KIAA0232: variants seen among roughly 807,000 people sequenced by gnomAD.
The protein encoded by KIAA0232 is KIAA0232, also known as uncharacterized protein KIAA0232.
KIAA0232 carries 27 observed loss-of-function variants against 122.0 expected under a neutral mutation model. That is an observed-to-expected ratio of 0.22 (90% CI 0.16 to 0.31). The LOEUF is 0.31. Among genes scored for constraint, KIAA0232 ranks in the 10% least tolerant of loss-of-function variants. KIAA0232 has a pLI of 1.00. For missense variants in KIAA0232, 1,551 were observed against 1,634.2 expected (o/e 0.95, Z 0.88); for synonymous variants, 613 against 587.6 (o/e 1.04, Z -0.63).
intron 9 of KIAA0232, among the ~76,000 whole-genome samples, chr4:6,880,395 T>C (rs1722011511): frequency 6.6e-6 from 1 of 152,268 alleles, no homozygotes; most frequent in Admixed American, 6.5e-5. Context: ...CCATCGGTAC[T>C]GTGTCACTGC....
chr4:6,846,136 C>T (rs1719953513), intron 4 of KIAA0232, among the ~76,000 whole-genome samples: 1 of 151,036 alleles, frequency 6.6e-6, no homozygotes, highest in African/African-American at 2.4e-5. Flanking sequence ...TTTTTCATAA[C>T]AACGATTTTT....
chr4:6,858,968 C>G (rs1720704712), intron 6 of KIAA0232, among the ~76,000 whole-genome samples: 1 of 152,138 alleles, frequency 6.6e-6, no homozygotes, highest in East Asian at 1.9e-4. Flanking sequence ...CATGGTGGTA[C>G]ATGCCTGTAA....
chr4:6,807,037 TC>T (rs1717651616), intron 2 of KIAA0232, among the ~76,000 whole-genome samples: 1 of 41,286 alleles, frequency 2.4e-5, no homozygotes, highest in East Asian at 2.7e-4. Context: ...TGTCTGTCTA[TC>T]TATCTATCTA....
chr4:6,879,395 A>G (rs1183205817), intron 9 of KIAA0232, among the ~76,000 whole-genome samples: 3 of 152,220 alleles, frequency 2.0e-5, no homozygotes, highest in Non-Finnish European at 4.4e-5. Flanking sequence ...TCTAGGACCC[A>G]TACTGCTAAC....
intron 2 of KIAA0232, among the ~76,000 whole-genome samples, chr4:6,821,173 A>G (rs540198710): frequency 7.4e-4 from 112 of 152,312 alleles, no homozygotes; most frequent in Non-Finnish European, 1.5e-3. Context: ...ATATCAGAGA[A>G]AGCATTTGTT....
At chr4:6,792,002 C>T (rs988542869) in intron 1 of KIAA0232, among the ~76,000 whole-genome samples, 3 of 152,148 alleles carry the variant, frequency 2.0e-5, no homozygotes, top group African/African-American at 7.2e-5. Flanking sequence ...CATAATCTCT[C>T]CTCTTTTGAC....
intron 3 of KIAA0232, among the ~76,000 whole-genome samples, chr4:6,838,780 A>G (rs921814470): frequency 6.8e-6 from 1 of 148,058 alleles, no homozygotes; most frequent in Non-Finnish European, 1.5e-5. Flanking sequence ...ATTGTTATAA[A>G]GGTTGCTTGA....
chr4:6,846,387 G>A (rs181775471), intron 4 of KIAA0232, among the ~76,000 whole-genome samples: 11 of 152,142 alleles, frequency 7.2e-5, no homozygotes, highest in Admixed American at 6.5e-4. Context: ...GGTGAACAGC[G>A]AGCAAGCTTT....
rs554172993 is a variant in KIAA0232, at chr4:6,811,714, G to C, written c.-270+7108G>C. ...TCCGCCTCGGCCACCCAAAGTGCCG[G>C]GATTATTGGTGTGAGCCACTGTGCC... On this transcript the variant is annotated intron_variant, in intron 2 of 9. Coordinates refer to ENST00000307659, the MANE Select transcript of KIAA0232 (RefSeq NM_014743.3). Among the ~76,000 whole-genome samples the C allele has an allele frequency of 1.9e-3, 285 of 151,438 alleles. 1 individual carries two copies. The highest frequency in any genetic ancestry group is 1.4e-3 in the East Asian group (7 of 5,156).
At chr4:6,795,773 T>G (rs1410828944) in intron 1 of KIAA0232, among the ~76,000 whole-genome samples, 1 of 152,180 alleles carries the variant, frequency 6.6e-6, no homozygotes, top group Non-Finnish European at 1.5e-5. Context: ...ACTTTTTTTG[T>G]AGAGACTGGG....
chr4:6,840,163 T>G (rs909196246), intron 3 of KIAA0232, among the ~76,000 whole-genome samples: 2 of 152,160 alleles, frequency 1.3e-5, no homozygotes, highest in Admixed American at 1.3e-4. Flanking sequence ...CCTACCTCTT[T>G]TTGTCAGCTT....
Position 6,883,787 on chromosome 4 carries a change from T to C in KIAA0232, c.*2821T>C, listed in dbSNP as rs1415354660. 6.6e-6 allele frequency: 1 copy of C among 152,260 alleles called. No homozygotes were observed. The highest frequency in any genetic ancestry group is 1.5e-5 in the Non-Finnish European group (1 of 68,048). 9.4% of individuals were successfully genotyped at this position (152,260 alleles called of 1,614,324 possible). ...AAGTATAAGGGAAAAGGAAAACTCA[T>C]ATGTCCTTCTGTCACTCTGAGACAT... On this transcript the variant is annotated 3_prime_UTR_variant, in exon 10 of 10. Transcript: ENST00000307659.
intron 3 of KIAA0232, among the ~76,000 whole-genome samples, chr4:6,827,129 C>T (rs952112313): frequency 1.3e-5 from 2 of 152,206 alleles, no homozygotes; most frequent in Admixed American, 6.5e-5. Context: ...TCCAAAGTAA[C>T]AGCCATGTGT....
chr4:6,844,302 A>G (rs1014810631), intron 4 of KIAA0232, among the ~76,000 whole-genome samples: 2 of 152,060 alleles, frequency 1.3e-5, no homozygotes, highest in Non-Finnish European at 2.9e-5. Flanking sequence ...CATGAAAGGT[A>G]CTGATTTTTT....
intron 1 of KIAA0232, among the ~76,000 whole-genome samples, chr4:6,794,632 A>G (rs1296234088): frequency 6.6e-6 from 1 of 152,180 alleles, no homozygotes; most frequent in African/African-American, 2.4e-5. Context: ...GAAGAGGAAG[A>G]GAGAAAGATG....
intron 2 of KIAA0232, among the ~76,000 whole-genome samples, chr4:6,819,514 C>T (rs570854693): frequency 7.2e-5 from 11 of 152,150 alleles, no homozygotes; most frequent in Admixed American, 6.5e-4. Context: ...AGTTCCACAT[C>T]GCTGATTATC....
chr4:6,862,365 A>G lies in KIAA0232; in HGVS notation c.1983A>G (p.Pro661=), dbSNP rs1432332550. ...TGCAATGCAGTAATTCTGTTTTACC[A>G]TTTTCTTTTGAAACACTCAACTTGG... ...FEVQCSNSVL[P]FSFETLNLGN... is the part of the protein sequence containing the mutation. Residue 661 remains proline (P), a synonymous_variant, in exon 7 of 10, where the codon CCA becomes CCG. Transcript: ENST00000307659. 19 of 1,613,952 alleles carry G rather than the reference A, an allele frequency of 1.2e-5. No individual in the cohort carries two copies. The highest frequency in any genetic ancestry group is 1.5e-5 in the Non-Finnish European group (18 of 1,180,032).
intron 3 of KIAA0232, among the ~76,000 whole-genome samples, chr4:6,830,403 C>CTTTTTTTTTTT: frequency 1.3e-5 from 1 of 75,526 alleles, no homozygotes; most frequent in Non-Finnish European, 2.8e-5. Context: ...TCTCTGTTGT[C>CTTTTTTTTTTT]TTTTTTTTTT....
At chr4:6,833,895 T>A (rs1719126265) in intron 3 of KIAA0232, among the ~76,000 whole-genome samples, 1 of 152,174 alleles carries the variant, frequency 6.6e-6, no homozygotes, top group Non-Finnish European at 1.5e-5. Flanking sequence ...CCCAAGTGAC[T>A]TTCAGACCTG....
Sources: gnomAD v4.1 joint callset for allele counts (sites outside exome capture counted in the v4.1 genomes callset) on GRCh38, gnomAD v4.1.1 for gene constraint, MANE v1.5 for transcripts, NCBI Gene and HGNC (gene_info 2026-07-23, HGNC 2026-07-21) for gene names.